The following MTMR3 variants were observed in gnomAD, a reference collection of about 807,000 sequenced individuals.
MTMR3 encodes phosphatidylinositol-3,5-bisphosphate 3-phosphatase MTMR3.
In MTMR3, 32 loss-of-function variants were observed where a neutral mutation model predicts 132.4. That is an observed-to-expected ratio of 0.24 (90% confidence interval 0.18 to 0.32). The LOEUF is 0.32. Ranked by LOEUF, MTMR3 falls within the 10% of genes least tolerant of loss-of-function variation. MTMR3 has a pLI of 1.00. For synonymous variants in MTMR3, 556 were observed against 550.3 expected (o/e 1.01, Z -0.14); for missense variants, 1,216 against 1,489.6 (o/e 0.82, Z 3.02).
chr22:29,980,512 AACT>A (rs2066719886), intron 5 of MTMR3: 2 of 152,284 alleles, frequency 1.3e-5, no homozygotes. Flanking sequence ...AAATCCCAGC[AACT>A]GAGAATTCCC....
In MTMR3 at chr22:30,013,353, C is replaced by A. The variant is rs1393001569; in HGVS notation, c.1318-3C>A. The A allele has an allele frequency of 6.2e-7, 1 of 1,613,460 alleles. No homozygotes were observed. The highest frequency in any genetic ancestry group is 1.1e-5 in the South Asian group (1 of 91,026). ...ATGGTCTCTCCTGGATGCTTCCCTG[C>A]AGGGTTTCCAGGTCCTCGTGGAAAT... On this transcript the variant is annotated splice_polypyrimidine_tract_variant and splice_region_variant and intron_variant, in intron 13 of 19. Transcript: ENST00000401950.
At chr22:29,979,155 A>G (rs2145886091) in intron 5 of MTMR3, 103 bp downstream of exon 5, 2 of 799,510 alleles carry the variant, frequency 2.5e-6, no homozygotes, top group East Asian at 2.5e-5. Context: ...TTGGGAGAGA[A>G]AGCATTATGT....
At chr22:29,927,943 T>TTTTG (rs1555898559) in intron 1 of MTMR3, among the ~76,000 whole-genome samples, 1 of 145,588 alleles carries the variant, frequency 6.9e-6, no homozygotes, top group African/African-American at 2.5e-5. Flanking sequence ...GCCTTTGTTT[T>TTTTG]TTTTTTTTTT....
rs552490053 is a variant in MTMR3, at chr22:29,909,874, G to A, written c.-138+26515G>A. Among the ~76,000 whole-genome samples the A allele has an allele frequency of 9.6e-5, 14 of 146,220 alleles. No homozygotes were observed. In the South Asian group the frequency reaches 3.1e-3, roughly 32 times the overall value. On this transcript the variant is annotated intron_variant, in intron 1 of 19. Transcript: ENST00000401950. ...AAATTAGTAGAAAGTGGGCCCTTTT[G>A]GCCGGGTGCGGTGGCTCACGCCTGT... is the stretch of plus-strand genomic sequence containing the variant.
rs748684878 is a variant in MTMR3 at position 30,013,346 on chromosome 22, T to C, written c.1318-10T>C. ...AGCACAAATGGTCTCTCCTGGATGC[T>C]TCCCTGCAGGGTTTCCAGGTCCTCG... On this transcript the variant is annotated splice_polypyrimidine_tract_variant and intron_variant, in intron 13 of 19. Coordinates refer to ENST00000401950, the MANE Select transcript of MTMR3 (RefSeq NM_021090.4). The C allele has an allele frequency of 2.5e-6, 4 of 1,613,256 alleles. No individual in the cohort carries two copies. The South Asian group carries it at 3.3e-5, about 13-fold the overall frequency.
intron 19 of MTMR3, 149 bp from the exon 20 acceptor site, chr22:30,025,481 G>T (rs1006547182): frequency 2.2e-5 from 17 of 768,830 alleles, no homozygotes; most frequent in Non-Finnish European, 3.4e-5. Context: ...TACCCAGCTT[G>T]TTCCTGGGCT....
intron 1 of MTMR3, among the ~76,000 whole-genome samples, chr22:29,918,156 G>A (rs1273548134): frequency 1.3e-5 from 2 of 152,172 alleles, no homozygotes; most frequent in Non-Finnish European, 2.9e-5. Flanking sequence ...GTAACTGCTG[G>A]TGTTATTTGG....
intron 3 of MTMR3, among the ~76,000 whole-genome samples, chr22:29,975,431 T>C (rs2066611121): frequency 6.6e-6 from 1 of 152,236 alleles, no homozygotes; most frequent in Admixed American, 6.5e-5. Context: ...TAAATTCTCA[T>C]ATCTACTTCG....
chr22:29,942,033 T>A (rs1457183985), intron 1 of MTMR3, among the ~76,000 whole-genome samples: 1 of 152,100 alleles, frequency 6.6e-6, no homozygotes, highest in Admixed American at 6.6e-5. Context: ...TTGAATGCCT[T>A]TAGTTTTTGG....
At chr22:29,919,054 A>G (rs1023470745) in intron 1 of MTMR3, among the ~76,000 whole-genome samples, 2 of 152,140 alleles carry the variant, frequency 1.3e-5, no homozygotes, top group African/African-American at 4.8e-5. Flanking sequence ...CCTATTTCTT[A>G]TTCTCCCTAC....
chr22:30,008,210 A>G (rs1439588180), intron 11 of MTMR3, 178 bp downstream of exon 11: 52 of 750,252 alleles, frequency 6.9e-5, no homozygotes, highest in Non-Finnish European at 1.2e-5. Context: ...TTCTGAGGAG[A>G]AATGGAGGAG....
chr22:30,021,107 G>T, intron 17 of MTMR3: 3 of 575,342 alleles, frequency 5.2e-6, no homozygotes, highest in Non-Finnish European at 9.3e-6. Context: ...TGTTGAGGCC[G>T]TTGGAGAGGA....
At chr22:29,964,596 A>C (rs1276514610) in intron 2 of MTMR3, among the ~76,000 whole-genome samples, 1 of 152,138 alleles carries the variant, frequency 6.6e-6, no homozygotes, top group African/African-American at 2.4e-5. Context: ...TTGCTGCCAC[A>C]TCTAGGCCTC....
chr22:30,008,174 T>C (rs2067315695), intron 11 of MTMR3, 142 bp downstream of exon 11: 1 of 1,081,722 alleles, frequency 9.2e-7, no homozygotes, highest in East Asian at 2.6e-5. Flanking sequence ...GAGCTTCTCT[T>C]TGGATTCTTA....
intron 1 of MTMR3, among the ~76,000 whole-genome samples, chr22:29,913,887 G>T (rs901989618): frequency 1.5e-4 from 23 of 152,236 alleles, no homozygotes; most frequent in African/African-American, 5.5e-4. Context: ...GAGGAGCTGG[G>T]ACTACAGGCT....
At chr22:29,918,414 TAGC>T (rs2065348450) in intron 1 of MTMR3, among the ~76,000 whole-genome samples, 1 of 152,242 alleles carries the variant, frequency 6.6e-6, no homozygotes, top group African/African-American at 2.4e-5. Context: ...CTCTTTTTGA[TAGC>T]AGGTAGTAGC....
intron 2 of MTMR3, among the ~76,000 whole-genome samples, chr22:29,970,497 C>CTTTTTTTTTTTTTTTT (rs11326857): frequency 8.7e-5 from 5 of 57,744 alleles, no homozygotes; most frequent in African/African-American, 3.2e-4. Flanking sequence ...CCATGACCAG[C>CTTTTTTTTTTTTTTTT]TTTTTTTTTT....
intron 2 of MTMR3, among the ~76,000 whole-genome samples, chr22:29,962,612 C>G (rs545167582): frequency 6.6e-6 from 1 of 152,150 alleles, no homozygotes; most frequent in South Asian, 2.1e-4. Context: ...TTGAGGCCGC[C>G]GTGAACCATG....
At position 29,943,286 on chromosome 22, in the gene MTMR3, A is replaced by G. The variant is rs186868265; in HGVS notation, c.-137-13750A>G. On this transcript the variant is annotated intron_variant, in intron 1 of 19. Coordinates refer to ENST00000401950, the MANE Select transcript of MTMR3 (RefSeq NM_021090.4). ...CGGCTCACTGCAAGCTCTGCCTCCCAGGTTCATGCCATTCTCCTGCCTCAG... is the reference window on the plus strand; with the variant it reads ...CGGCTCACTGCAAGCTCTGCCTCCCGGGTTCATGCCATTCTCCTGCCTCAG... Among the ~76,000 whole-genome samples, 88 of 151,528 alleles carry G rather than the reference A, an allele frequency of 5.8e-4. No homozygotes were observed. The East Asian group carries it at 0.014, about 24-fold the overall frequency.
Sources: gnomAD v4.1 joint callset for allele counts (sites outside exome capture counted in the v4.1 genomes callset) on GRCh38, gnomAD v4.1.1 for gene constraint, MANE v1.5 for transcripts, NCBI Gene and HGNC (gene_info 2026-07-23, HGNC 2026-07-21) for gene names.